FAM178B: variants seen among roughly 807,000 people sequenced by gnomAD.
FAM178B encodes the protein protein FAM178B.
Under a neutral mutation model 91.7 loss-of-function variants are expected in FAM178B, and 82 were observed. The ratio of observed to expected loss-of-function variants is 0.89; its 90% confidence interval spans 0.75 to 1.07. FAM178B has a LOEUF of 1.07. Among genes scored for constraint, FAM178B ranks in the 50% least tolerant of loss-of-function variants. The pLI is 0.00. For synonymous variants in FAM178B, 368 were observed against 359.4 expected (o/e 1.02, Z -0.27); for missense variants, 769 against 846.7 (o/e 0.91, Z 1.14).
intron 12 of FAM178B, among the ~76,000 whole-genome samples, chr2:96,919,370 C>A (rs941321319): frequency 2.0e-5 from 3 of 152,178 alleles, no homozygotes; most frequent in African/African-American, 7.2e-5. Flanking sequence ...ACGTGATCAT[C>A]ACAGGAACCC....
chr2:96,909,154 A>AAAAAAAG (rs1249064828), intron 12 of FAM178B, among the ~76,000 whole-genome samples: 2,175 of 117,530 alleles, frequency 0.019, 19 homozygotes, highest in Middle Eastern at 0.04. Flanking sequence ...AAAAAAAAAA[A>AAAAAAAG]AAAAAAGAAA....
At chr2:96,877,622 C>T in intron 16 of FAM178B, 1 of 440,420 alleles carries the variant, frequency 2.3e-6, no homozygotes. Context: ...AGGCTGGTCT[C>T]CTGACCTTGT....
chr2:96,969,843 T>C (rs1200705519), intron 4 of FAM178B, among the ~76,000 whole-genome samples: 1 of 152,134 alleles, frequency 6.6e-6, no homozygotes, highest in Non-Finnish European at 1.5e-5. Context: ...GACCAAAGAA[T>C]AATTCATCCC....
intron 7 of FAM178B, among the ~76,000 whole-genome samples, chr2:96,949,618 C>T (rs932804147): frequency 3.3e-5 from 5 of 152,168 alleles, no homozygotes; most frequent in African/African-American, 1.2e-4. Context: ...CCTCCCACAA[C>T]CACAGTCCCC....
At chr2:96,956,423 A>G (rs1342140846) in intron 6 of FAM178B, among the ~76,000 whole-genome samples, 1 of 152,218 alleles carries the variant, frequency 6.6e-6, no homozygotes, top group Non-Finnish European at 1.5e-5. Context: ...GGATAGGTCC[A>G]ACAGGACAGC....
At chr2:96,917,411 T>C (rs1325467578) in intron 12 of FAM178B, among the ~76,000 whole-genome samples, 7 of 152,196 alleles carry the variant, frequency 4.6e-5, no homozygotes, top group Non-Finnish European at 8.8e-5. Flanking sequence ...TAAAGGGCAA[T>C]TGCCATGGGC....
intron 12 of FAM178B, among the ~76,000 whole-genome samples, chr2:96,914,315 T>C (rs568416199): frequency 2.6e-5 from 4 of 151,962 alleles, no homozygotes; most frequent in African/African-American, 9.7e-5. Context: ...ACCACCATGA[T>C]GAGAAGGGGG....
chr2:96,876,344 G>A, intron 16 of FAM178B, 36 bp from the exon 17 acceptor site: 1 of 1,578,702 alleles, frequency 6.3e-7, no homozygotes, highest in Non-Finnish European at 8.6e-7. Context: ...TGAGGGCCTG[G>A]GCCCAGGTGC....
chr2:96,979,604 T>C (rs2082335896), intron 1 of FAM178B, among the ~76,000 whole-genome samples: 1 of 152,214 alleles, frequency 6.6e-6, no homozygotes. Flanking sequence ...TGAGTGCAAG[T>C]GTCGTTTTGA....
intron 3 of FAM178B, 98 bp downstream of exon 3, chr2:96,971,803 G>C: frequency 8.7e-7 from 1 of 1,154,406 alleles, no homozygotes; most frequent in South Asian, 1.9e-5. Context: ...AAGAGCAGCT[G>C]GGGCGTGGCT....
intron 6 of FAM178B, among the ~76,000 whole-genome samples, chr2:96,955,994 T>C (rs370112274): frequency 6.6e-6 from 1 of 152,304 alleles, no homozygotes; most frequent in South Asian, 2.1e-4. Context: ...GCCTGGCCCA[T>C]GCATCGGGCT....
intron 1 of FAM178B, among the ~76,000 whole-genome samples, chr2:96,976,583 G>A (rs1162055579): frequency 1.3e-5 from 2 of 151,744 alleles, no homozygotes; most frequent in Non-Finnish European, 2.9e-5. Flanking sequence ...GGTGGCTCAC[G>A]CCTGTAATCT....
chr2:96,956,649 T>C (rs1309261891), intron 6 of FAM178B: 1 of 152,212 alleles, frequency 6.6e-6, no homozygotes, highest in Non-Finnish European at 1.5e-5. Context: ...ATACGTTCAC[T>C]GTAGAAAGTT....
chr2:96,935,274 G>A (rs557379941), intron 8 of FAM178B, among the ~76,000 whole-genome samples: 3 of 152,248 alleles, frequency 2.0e-5, no homozygotes, highest in Admixed American at 6.5e-5. Flanking sequence ...GGTCACAGCC[G>A]GTGCAGAGAC....
At chr2:96,941,153 CTG>C in intron 8 of FAM178B, among the ~76,000 whole-genome samples, 1 of 152,218 alleles carries the variant, frequency 6.6e-6, no homozygotes, top group East Asian at 1.9e-4. Flanking sequence ...TCACAAGAAA[CTG>C]TACTAATGAG....
chr2:96,944,241 CAAAA>C (rs397868752), intron 8 of FAM178B, among the ~76,000 whole-genome samples: 2 of 56,956 alleles, frequency 3.5e-5, no homozygotes, highest in Non-Finnish European at 4.1e-5. Flanking sequence ...GACTCCATCT[CAAAA>C]AAAAAAAAAA....
intron 8 of FAM178B, 77 bp from the exon 9 acceptor site, chr2:96,929,397 G>T: frequency 9.5e-7 from 1 of 1,057,560 alleles, no homozygotes; most frequent in Non-Finnish European, 1.4e-6. Flanking sequence ...GAAGGGGCTG[G>T]CCGTGACCCC....
intron 12 of FAM178B, among the ~76,000 whole-genome samples, chr2:96,912,456 G>T (rs753012738): frequency 1.3e-5 from 2 of 152,002 alleles, no homozygotes; most frequent in African/African-American, 4.8e-5. Context: ...GGCTGGTGGG[G>T]GAGGGGTATC....
At chr2:96,935,689 A>C (rs1306738542) in intron 8 of FAM178B, among the ~76,000 whole-genome samples, 2 of 151,278 alleles carry the variant, frequency 1.3e-5, no homozygotes, top group East Asian at 3.9e-4. Context: ...GCTGGAGTGC[A>C]GTGGCACGAT....
Sources: gnomAD v4.1 joint callset for allele counts (sites outside exome capture counted in the v4.1 genomes callset) on GRCh38, gnomAD v4.1.1 for gene constraint, MANE v1.5 for transcripts, NCBI Gene and HGNC (gene_info 2026-07-23, HGNC 2026-07-21) for gene names.